Variants in FRY observed in about 807,000 individuals in gnomAD.
FRY encodes FRY microtubule binding protein, also known as protein furry homolog.
FRY carries 128 observed loss-of-function variants against 348.4 expected under a neutral mutation model. The observed-to-expected ratio is 0.37, with a 90% confidence interval of 0.32 to 0.43. The LOEUF is 0.43. Among genes scored for constraint, FRY ranks in the 20% least tolerant of loss-of-function variants. The pLI is 1.00. For synonymous variants in FRY, 1,370 were observed against 1,374.7 expected (o/e 1.00, Z 0.08); for missense variants, 2,736 against 3,695.2 (o/e 0.74, Z 6.73).
At chr13:32,223,329 G>A (rs917753580) in intron 36 of FRY, among the ~76,000 whole-genome samples, 1 of 152,104 alleles carries the variant, frequency 6.6e-6, no homozygotes, top group Non-Finnish European at 1.5e-5. Context: ...AATTCAACAC[G>A]ATTTAATGTT....
intron 27 of FRY, among the ~76,000 whole-genome samples, chr13:32,187,144 G>T (rs191478853): frequency 2.0e-5 from 3 of 151,744 alleles, no homozygotes; most frequent in Non-Finnish European, 4.4e-5. Flanking sequence ...AGTTCAATAC[G>T]TTAGTCCAAT....
intron 17 of FRY, among the ~76,000 whole-genome samples, chr13:32,162,385 C>T (rs376289160): frequency 2.0e-5 from 3 of 152,164 alleles, no homozygotes; most frequent in Non-Finnish European, 4.4e-5. Flanking sequence ...AACTTCCACC[C>T]CACATGGCTG....
intron 29 of FRY, among the ~76,000 whole-genome samples, chr13:32,195,851 A>G (rs1390423698): frequency 2.6e-5 from 4 of 152,202 alleles, no homozygotes; most frequent in African/African-American, 9.6e-5. Context: ...TTCTGAAGGA[A>G]GGGCAGAGGG....
intron 7 of FRY, among the ~76,000 whole-genome samples, chr13:32,130,629 A>G (rs1327849638): frequency 6.6e-6 from 1 of 152,108 alleles, no homozygotes; most frequent in Non-Finnish European, 1.5e-5. Flanking sequence ...TTTTACAAAC[A>G]TGGATGATAA....
intron 33 of FRY, among the ~76,000 whole-genome samples, chr13:32,210,600 A>T (rs1296230363): frequency 1.3e-5 from 2 of 152,212 alleles, no homozygotes; most frequent in African/African-American, 2.4e-5. Flanking sequence ...GTTTAGATAG[A>T]ATTCACGTAC....
At chr13:32,056,363 C>G (rs1456800275) in intron 1 of FRY, among the ~76,000 whole-genome samples, 5 of 152,022 alleles carry the variant, frequency 3.3e-5, no homozygotes, top group African/African-American at 1.2e-4. Context: ...TACCCTGTGC[C>G]AAAACAAACC....
intron 3 of FRY, among the ~76,000 whole-genome samples, chr13:32,103,583 C>G (rs770434106): frequency 6.6e-6 from 1 of 152,116 alleles, no homozygotes; most frequent in African/African-American, 2.4e-5. Context: ...GTGCAGCACA[C>G]CAACATGGCA....
chr13:32,181,575 CAAAA>C (rs35272711), intron 23 of FRY, among the ~76,000 whole-genome samples: 5 of 59,034 alleles, frequency 8.5e-5, no homozygotes, highest in Non-Finnish European at 9.7e-5. Flanking sequence ...ACTCCGTCAC[CAAAA>C]AAAAAAAAAA....
At chr13:32,065,177 A>T (rs977251693) in intron 1 of FRY, among the ~76,000 whole-genome samples, 2 of 152,232 alleles carry the variant, frequency 1.3e-5, no homozygotes. Context: ...AATATTTATT[A>T]TGAAGTGTTA....
chr13:32,097,448 AC>A (rs2138615345), intron 2 of FRY, among the ~76,000 whole-genome samples: 1 of 133,086 alleles, frequency 7.5e-6, no homozygotes, highest in South Asian at 2.4e-4. Context: ...TGCAACCTCC[AC>A]CTCCTGGTTC....
intron 14 of FRY, among the ~76,000 whole-genome samples, chr13:32,153,089 A>T (rs993185096): frequency 6.6e-6 from 1 of 152,192 alleles, no homozygotes; most frequent in African/African-American, 2.4e-5. Flanking sequence ...AGAACCTCAT[A>T]CTATTCTAGT....
chr13:32,219,371 G>A (rs946536668), intron 36 of FRY, among the ~76,000 whole-genome samples: 1 of 149,548 alleles, frequency 6.7e-6, no homozygotes, highest in Non-Finnish European at 1.5e-5. Flanking sequence ...TTACAGGCGT[G>A]AGCCACCGCG....
intron 55 of FRY, among the ~76,000 whole-genome samples, chr13:32,271,927 G>A (rs1054605353): frequency 6.6e-6 from 1 of 152,068 alleles, no homozygotes; most frequent in African/African-American, 2.4e-5. Flanking sequence ...TGGGCCCTGG[G>A]GGGACTCATT....
chr13:32,155,781 T>C (rs921248864), intron 15 of FRY, 119 bp downstream of exon 15: 38 of 659,656 alleles, frequency 5.8e-5, no homozygotes, highest in African/African-American at 4.9e-4. Context: ...TGATAAGACA[T>C]TCCAACATTA....
chr13:32,068,936 G>C lies in FRY; in HGVS notation c.71-9898G>C, dbSNP rs1239665176. On this transcript the variant is annotated intron_variant, in intron 1 of 60. Coordinates refer to ENST00000542859, the MANE Select transcript of FRY (RefSeq NM_023037.3). The stretch of plus-strand genomic sequence containing the variant: ...CTTTTTTTTTTTTTTTTTTTTTTGA[G>C]ACTGAGTCTCGCTCTGTCGCCCAGG... 3.1e-5 allele frequency among the ~76,000 whole-genome samples: 3 copies of C among 96,612 alleles called. No individual in the cohort carries two copies. In the East Asian group the frequency reaches 9.8e-4, roughly 32 times the overall value. The allele number at this position is 96,612 out of a possible 152,430, so 63.4% of individuals were successfully genotyped here.
intron 1 of FRY, among the ~76,000 whole-genome samples, chr13:32,048,754 T>C (rs1259699987): frequency 2.0e-5 from 3 of 152,136 alleles, no homozygotes; most frequent in Non-Finnish European, 4.4e-5. Flanking sequence ...TTATATTTAT[T>C]TGGAGACACT....
intron 10 of FRY, among the ~76,000 whole-genome samples, chr13:32,135,825 G>A (rs1221525756): frequency 1.3e-5 from 2 of 152,138 alleles, no homozygotes; most frequent in Non-Finnish European, 2.9e-5. Context: ...TTACTGGCAT[G>A]GTTTATGCTA....
chr13:32,124,415 A>G (rs1449210263), intron 5 of FRY, 39 bp downstream of exon 5: 1 of 1,147,118 alleles, frequency 8.7e-7, no homozygotes, highest in Admixed American at 1.8e-5. Flanking sequence ...GATAATATTT[A>G]TTGATCTAAA....
intron 2 of FRY, among the ~76,000 whole-genome samples, chr13:32,083,434 G>A (rs1248070919): frequency 6.6e-6 from 1 of 152,076 alleles, no homozygotes; most frequent in Non-Finnish European, 1.5e-5. Flanking sequence ...TAACTCTTCT[G>A]TTTGTTGTGC....
Sources: gnomAD v4.1 joint callset for allele counts (sites outside exome capture counted in the v4.1 genomes callset) on GRCh38, gnomAD v4.1.1 for gene constraint, MANE v1.5 for transcripts, NCBI Gene and HGNC (gene_info 2026-07-23, HGNC 2026-07-21) for gene names.